Variants in FHIT observed in about 807,000 individuals in gnomAD.
FHIT encodes the protein bis(5'-adenosyl)-triphosphatase.
A neutral mutation model predicts 17.9 loss-of-function variants in FHIT; 19 were observed. The observed-to-expected ratio is 1.06, with a 90% CI of 0.74 to 1.56. The LOEUF (loss-of-function observed/expected upper bound fraction) is 1.56. Ranked by LOEUF, FHIT falls within the 40% of genes most tolerant of loss-of-function variation. FHIT has a pLI of 0.00. For missense variants in FHIT, 248 were observed against 189.2 expected (o/e 1.31, Z -1.82); for synonymous variants, 81 against 69.7 (o/e 1.16, Z -0.81).
At chr3:59,903,604 A>C (rs537801912) in intron 8 of FHIT, among the ~76,000 whole-genome samples, 1 of 152,338 alleles carries the variant, frequency 6.6e-6, no homozygotes, top group East Asian at 1.9e-4. Flanking sequence ...GAGAATTAAA[A>C]TACTCAAACA....
chr3:60,314,569 G>T (rs1709084523), intron 5 of FHIT, among the ~76,000 whole-genome samples: 1 of 152,160 alleles, frequency 6.6e-6, no homozygotes, highest in African/African-American at 2.4e-5. Context: ...TTCAGAACTA[G>T]ACTCACATTT....
chr3:60,913,999 A>G (rs1706873856), intron 3 of FHIT, among the ~76,000 whole-genome samples: 1 of 152,244 alleles, frequency 6.6e-6, no homozygotes, highest in Non-Finnish European at 1.5e-5. Flanking sequence ...AAAGGCAAAC[A>G]AATGTCAAGG....
intron 3 of FHIT, among the ~76,000 whole-genome samples, chr3:60,997,427 A>G (rs1335794080): frequency 6.6e-6 from 1 of 152,182 alleles, no homozygotes; most frequent in African/African-American, 2.4e-5. Context: ...TCTTAAAAAA[A>G]AAATCAGAAG....
At chr3:61,068,561 T>A (rs750530732) in intron 2 of FHIT, among the ~76,000 whole-genome samples, 1 of 152,144 alleles carries the variant, frequency 6.6e-6, no homozygotes, top group Non-Finnish European at 1.5e-5. Flanking sequence ...AATCCCCCCA[T>A]CTCATGGTCT....
intron 4 of FHIT, among the ~76,000 whole-genome samples, chr3:60,688,162 C>T (rs558402615): frequency 1.3e-5 from 2 of 152,216 alleles, no homozygotes; most frequent in South Asian, 4.1e-4. Context: ...CAATGAGATT[C>T]AGCTTTACAC....
chr3:61,215,816 T>A (rs926809363), intron 1 of FHIT, among the ~76,000 whole-genome samples: 5 of 152,162 alleles, frequency 3.3e-5, no homozygotes, highest in Non-Finnish European at 1.5e-5. Flanking sequence ...AATGGAACAG[T>A]ACAGAGCCCT....
At chr3:60,666,579 C>T (rs62251491) in intron 4 of FHIT, among the ~76,000 whole-genome samples, 18,118 of 152,130 alleles carry the variant, frequency 0.12, 2,166 homozygotes, top group African/African-American at 0.31. Context: ...ATTGGGATTA[C>T]GTGTGGGGTT....
At chr3:60,536,804 TGGTTAG>T in intron 5 of FHIT, 50 bp downstream of exon 5, 1 of 1,531,670 alleles carries the variant, frequency 6.5e-7, no homozygotes, top group Non-Finnish European at 8.7e-7. Flanking sequence ...TTCATTTGGC[TGGTTAG>T]GCTCAGAAGA....
chr3:60,154,615 C>T (rs181056832), intron 5 of FHIT, among the ~76,000 whole-genome samples: 1 of 152,232 alleles, frequency 6.6e-6, no homozygotes, highest in African/African-American at 2.4e-5. Flanking sequence ...ACCTGTGATG[C>T]CTCATTAATG....
chr3:60,187,033 G>A (rs73831984), intron 5 of FHIT, among the ~76,000 whole-genome samples: 98 of 152,202 alleles, frequency 6.4e-4, no homozygotes, highest in African/African-American at 1.6e-3. Flanking sequence ...GAAATAGCTC[G>A]TGATTAGAGC....
chr3:60,905,665 G>A (rs1367985943), intron 3 of FHIT, among the ~76,000 whole-genome samples: 1 of 152,206 alleles, frequency 6.6e-6, no homozygotes, highest in Non-Finnish European at 1.5e-5. Context: ...AATAAGGAAT[G>A]AGGAGGATCT....
At chr3:61,169,999 C>T (rs527988801) in intron 2 of FHIT, among the ~76,000 whole-genome samples, 57 of 152,120 alleles carry the variant, frequency 3.7e-4, no homozygotes, top group Non-Finnish European at 2.4e-4. Context: ...TTAGACATCA[C>T]GGTGACCAGC....
Position 61,121,951 on chromosome 3 carries a change from C to T in FHIT, c.-164+78666G>A, listed in dbSNP as rs142565783. Among the ~76,000 whole-genome samples the T allele has an allele frequency of 3.5e-3, 537 of 152,268 alleles. 5 individuals are homozygous for T. The highest frequency in any genetic ancestry group is 0.012 in the African/African-American group (519 of 41,546). ...CAATCCTAGTCTCTGATAAAACAGA[C>T]TTTAAACCAACAAAGATTAAAAAAG... On this transcript the variant is annotated intron_variant, in intron 2 of 9. Transcript: ENST00000492590.
At chr3:60,376,539 T>C (rs182700695) in intron 5 of FHIT, among the ~76,000 whole-genome samples, 4 of 152,284 alleles carry the variant, frequency 2.6e-5, no homozygotes, top group African/African-American at 9.6e-5. Context: ...GAGTCTTCTA[T>C]TTTGCTCTAA....
At chr3:60,388,733 C>T (rs958391892) in intron 5 of FHIT, among the ~76,000 whole-genome samples, 1 of 152,198 alleles carries the variant, frequency 6.6e-6, no homozygotes, top group Non-Finnish European at 1.5e-5. Context: ...TTACTGATGT[C>T]TTCAAGTAAT....
intron 5 of FHIT, among the ~76,000 whole-genome samples, chr3:60,506,543 C>T (rs374294818): frequency 2.6e-5 from 4 of 152,238 alleles, no homozygotes; most frequent in African/African-American, 7.2e-5. Flanking sequence ...TCTCCTACAT[C>T]GTGGGAGGAG....
chr3:60,898,156 T>C (rs1705925740), intron 3 of FHIT, among the ~76,000 whole-genome samples: 1 of 152,224 alleles, frequency 6.6e-6, no homozygotes, highest in Non-Finnish European at 1.5e-5. Flanking sequence ...GTAATCTGTT[T>C]CCATTTTCAT....
intron 4 of FHIT, among the ~76,000 whole-genome samples, chr3:60,813,553 G>A (rs528744498): frequency 6.6e-5 from 10 of 151,978 alleles, no homozygotes; most frequent in African/African-American, 2.2e-4. Context: ...AAGCAAACAC[G>A]TGTTGTAAAA....
In FHIT at chr3:60,019,636, G is replaced by A. The variant is rs146345827; in HGVS notation, c.104-5484C>T. ...TTTCTCCACGTTGGTCAGGCTGGTC[G>A]TAAACTCCCGACCTTAGGTGATCCA... On this transcript the variant is annotated intron_variant, in intron 5 of 9. Coordinates refer to ENST00000492590, the MANE Select transcript of FHIT (RefSeq NM_002012.4). Among the ~76,000 whole-genome samples the A allele has an allele frequency of 2.5e-3, 376 of 152,052 alleles. 2 individuals carry two copies. The highest frequency in any genetic ancestry group is 7.1e-3 in the Admixed American group (108 of 15,260).
Sources: gnomAD v4.1 joint callset for allele counts (sites outside exome capture counted in the v4.1 genomes callset) on GRCh38, gnomAD v4.1.1 for gene constraint, MANE v1.5 for transcripts, NCBI Gene and HGNC (gene_info 2026-07-23, HGNC 2026-07-21) for gene names.